Variants in NFKBIA observed in about 807,000 individuals in gnomAD.
The protein encoded by NFKBIA is NFKB inhibitor alpha.
In NFKBIA, 10 loss-of-function variants were observed where a neutral mutation model predicts 36.3. The observed-to-expected ratio is 0.28, with a 90% CI of 0.17 to 0.47. NFKBIA has a LOEUF of 0.47. Among genes scored for constraint, NFKBIA ranks in the 20% least tolerant of loss-of-function variants. NFKBIA has a pLI of 0.99. For synonymous variants in NFKBIA, 205 were observed against 164.4 expected (o/e 1.25, Z -1.89); for missense variants, 355 against 399.3 (o/e 0.89, Z 0.94).
At chr14:35,403,946 T>G in intron 1 of NFKBIA, 148 bp from the exon 2 acceptor site, 1 of 683,974 alleles carries the variant, frequency 1.5e-6, no homozygotes, top group Non-Finnish European at 2.7e-6. Context: ...GAGCTGAGTG[T>G]TCCTGGCAGG....
At position 35,401,577 on chromosome 14, in the gene NFKBIA, T is replaced by C. The variant is rs1266681910; in HGVS notation, c.*436A>G. 5.6e-5 allele frequency: 15 copies of C among 265,680 alleles called. No homozygotes were observed. Among genetic ancestry groups the C allele is most frequent in the South Asian group, 5.2e-4 (7 of 13,470 alleles). 16.5% of individuals were successfully genotyped at this position (265,680 alleles called of 1,614,324 possible). ...ACCAAAATAATTACCAACAATACAT[T>C]ATGTACACCATTTACAGGAGGGTAA... On this transcript the variant is annotated 3_prime_UTR_variant, in exon 6 of 6. Coordinates refer to ENST00000216797, the MANE Select transcript of NFKBIA (RefSeq NM_020529.3).
intron 1 of NFKBIA, 189 bp from the exon 2 acceptor site, chr14:35,403,987 G>A (rs985430559): frequency 3.3e-6 from 2 of 601,112 alleles, no homozygotes; most frequent in Non-Finnish European, 6.0e-6. Context: ...CCCTCCCCCC[G>A]CGGCCCCGGC....
At chr14:35,404,130 C>T (rs2062854318) in intron 1 of NFKBIA, 1 of 384,548 alleles carries the variant, frequency 2.6e-6, no homozygotes, top group African/African-American at 2.2e-5. Flanking sequence ...CGCGTCCCCG[C>T]TGCCGCCCCG....
chr14:35,404,082 C>T (rs2138833383), intron 1 of NFKBIA: 1 of 459,616 alleles, frequency 2.2e-6, no homozygotes, highest in Admixed American at 3.7e-5. Flanking sequence ...CCGCCAGCGG[C>T]CAGAAACTCC....
chr14:35,403,430 CG>C, intron 2 of NFKBIA, 70 bp from the exon 3 acceptor site: 1 of 1,530,026 alleles, frequency 6.5e-7, no homozygotes, highest in South Asian at 1.1e-5. Flanking sequence ...CCCCTCAACC[CG>C]TGTCTCCTGG....
chr14:35,404,510 C>CATCT lies in NFKBIA; in HGVS notation c.131_134dup (p.Met45IlefsTer42). 1 of 1,604,560 alleles carries CATCT rather than the reference C, an allele frequency of 6.2e-7. No homozygotes were observed. Among genetic ancestry groups the CATCT allele is most frequent in the Non-Finnish European group, 8.5e-7 (1 of 1,176,016 alleles). ...GGCGGATCTCCTGCAGCTCCTTGAC[C>CATCT]ATCTGCTCGTACTCCTCGTCTTTCA... On this transcript the variant is annotated frameshift_variant, in exon 1 of 6. Coordinates refer to ENST00000216797, the MANE Select transcript of NFKBIA (RefSeq NM_020529.3). LOFTEE classifies it high-confidence loss of function.
In NFKBIA at chr14:35,401,848, A is replaced by C. The variant is rs1198667466; in HGVS notation, c.*165T>G. On this transcript the variant is annotated 3_prime_UTR_variant, in exon 6 of 6. Coordinates refer to ENST00000216797, the MANE Select transcript of NFKBIA (RefSeq NM_020529.3). ...CTACAAAAAGTTCACAAAAGCAACA[A>C]AATGAGGGCTGATCCTACCACAATA... 2.7e-5 allele frequency: 20 copies of C among 731,462 alleles called. No individual in the cohort carries two copies. The highest frequency in any genetic ancestry group is 4.6e-5 in the Non-Finnish European group (20 of 433,290). The allele number at this position is 731,462 out of a possible 1,614,324, so 45.3% of individuals were successfully genotyped here. A position where few individuals can be genotyped will look rare whatever the true frequency, so the allele number is the denominator to read the frequency against.
Position 35,403,325 on chromosome 14 carries a change from T to C in NFKBIA, c.372A>G (p.Pro124=). ...PLHLAVITNQ[P]EIAEALLGAG... ...CTCCCAGAAGTGCCTCAGCAATTTC[T>C]GGCTGGTTGGTGATCACAGCCAAGT... The change falls in exon 3 of 6, where the codon CCA becomes CCG. Residue 124 remains proline (P), a synonymous_variant. Transcript: ENST00000216797. 3 of 1,614,070 alleles carry C rather than the reference T, an allele frequency of 1.9e-6. No homozygotes were observed. The highest frequency in any genetic ancestry group is 1.1e-5 in the South Asian group (1 of 91,078).
At chr14:35,403,867 C>T in intron 1 of NFKBIA, 69 bp from the exon 2 acceptor site, 2 of 1,186,368 alleles carry the variant, frequency 1.7e-6, no homozygotes, top group East Asian at 2.4e-5. Flanking sequence ...GAGGCGCGGG[C>T]TGCGGGGGAT....
At position 35,401,845 on chromosome 14, in the gene NFKBIA, AC is replaced by A; in HGVS notation, c.*167del. Reference sequence around the variant, plus strand: ...CCCCTACAAAAAGTTCACAAAAGCAACAAAATGAGGGCTGATCCTACCACAA... The same window carrying A: ...CCCCTACAAAAAGTTCACAAAAGCAAAAAATGAGGGCTGATCCTACCACAA... On this transcript the variant is annotated 3_prime_UTR_variant, in exon 6 of 6. Transcript: ENST00000216797. 2.8e-6 allele frequency: 2 copies of A among 720,882 alleles called. No homozygotes were observed. Among genetic ancestry groups the A allele is most frequent in the East Asian group, 5.5e-5 (2 of 36,644 alleles). The allele number at this position is 720,882 out of a possible 1,614,324, so 44.7% of individuals were successfully genotyped here.
Position 35,402,018 on chromosome 14 carries a change from A to G in NFKBIA, c.949T>C (p.Leu317=). The stretch of plus-strand genomic sequence containing the variant: ...TTCTTTCAGCCCCTTTGCGCTCATA[A>G]CGTCAGACGCTGGCCTCCAAACACA... ...DCVFGGQRLT[L] Residue 317 remains leucine (L), a synonymous_variant, in exon 6 of 6, where the codon TTA becomes CTA. Coordinates refer to ENST00000216797, the MANE Select transcript of NFKBIA (RefSeq NM_020529.3). 6.2e-7 allele frequency: 1 copy of G among 1,614,098 alleles called. No individual in the cohort carries two copies. Among genetic ancestry groups the G allele is most frequent in the South Asian group, 1.1e-5 (1 of 91,086 alleles).
At chr14:35,403,016 C>A in intron 3 of NFKBIA, 134 bp downstream of exon 3, 1 of 1,266,012 alleles carries the variant, frequency 7.9e-7, no homozygotes, top group Non-Finnish European at 1.1e-6. Flanking sequence ...AGGCACTTTG[C>A]ACACATATTT....
rs999770881 is a variant in NFKBIA, at chr14:35,404,743, C to T, written c.-99G>A. The T allele has an allele frequency of 4.0e-6, 3 of 740,766 alleles. No individual in the cohort carries two copies. Among genetic ancestry groups the T allele is most frequent in the Non-Finnish European group, 5.6e-6 (3 of 532,614 alleles). 45.9% of individuals were successfully genotyped at this position (740,766 alleles called of 1,614,324 possible). ...CTGGCGGGCGGGACGGCGGCACGGACTGCTGTGGGCTCTGCAGCGCCGCCG... is the reference window on the plus strand; with the variant it reads ...CTGGCGGGCGGGACGGCGGCACGGATTGCTGTGGGCTCTGCAGCGCCGCCG... On this transcript the variant is annotated 5_prime_UTR_variant, in exon 1 of 6. Transcript: ENST00000216797.
At chr14:35,404,365 CG>C in intron 1 of NFKBIA, 52 bp downstream of exon 1, 2 of 1,204,480 alleles carry the variant, frequency 1.7e-6, no homozygotes, top group Non-Finnish European at 2.3e-6. Context: ...ACCCCCAGGC[CG>C]CGCGCGTCCC....
rs888891295 is a variant in NFKBIA at position 35,401,830 on chromosome 14, A to G, written c.*183T>C. On this transcript the variant is annotated 3_prime_UTR_variant, in exon 6 of 6. Coordinates refer to ENST00000216797, the MANE Select transcript of NFKBIA (RefSeq NM_020529.3). ...AATGATCTTTCTCGTCCCCTACAAA[A>G]AGTTCACAAAAGCAACAAAATGAGG... 10 of 654,754 alleles carry G rather than the reference A, an allele frequency of 1.5e-5. No individual in the cohort carries two copies. The highest frequency in any genetic ancestry group is 2.4e-5 in the Non-Finnish European group (9 of 371,118). 40.6% of individuals were successfully genotyped at this position (654,754 alleles called of 1,614,324 possible). A position where few individuals can be genotyped will look rare whatever the true frequency, so the allele number is the denominator to read the frequency against.
intron 1 of NFKBIA, 45 bp downstream of exon 1, chr14:35,404,373 T>TG: frequency 7.5e-6 from 6 of 803,510 alleles, no homozygotes; most frequent in South Asian, 1.6e-5. Context: ...GCCGCGCGCG[T>TG]CCCGCCCTCC....
Position 35,403,789 on chromosome 14 carries a change from G to A in NFKBIA, c.237C>T (p.His79=), listed in dbSNP as rs769330755. The A allele has an allele frequency of 2.5e-6, 4 of 1,613,434 alleles. No homozygotes were observed. The highest frequency in any genetic ancestry group is 2.2e-5 in the South Asian group (2 of 90,952). The part of the protein sequence containing the change: ...QLTEDGDSFL[H]LAIIHEEKAL... ...CCTTTTCTTCATGGATGATGGCCAAGTGCAGGAACCTGTGGGGAAGAGAGG... is the reference window on the plus strand; with the variant it reads ...CCTTTTCTTCATGGATGATGGCCAAATGCAGGAACCTGTGGGGAAGAGAGG... Residue 79 remains histidine, a synonymous_variant, in exon 2 of 6, where the codon CAC becomes CAT. Coordinates refer to ENST00000216797, the MANE Select transcript of NFKBIA (RefSeq NM_020529.3).
chr14:35,404,356 C>A lies in NFKBIA; in HGVS notation c.227+62G>T, dbSNP rs1209882986. ...CGGGCTCCAGGCCCGGCGCCTCCCA[C>A]CCCCAGGCCGCGCGCGTCCCGCCCT... On this transcript the variant is annotated intron_variant, in intron 1 of 5. Transcript: ENST00000216797. 1.1e-5 allele frequency: 11 copies of A among 1,028,952 alleles called. 1 individual carries two copies. Among genetic ancestry groups the A allele is most frequent in the Non-Finnish European group, 1.5e-5 (11 of 734,792 alleles). 63.7% of individuals were successfully genotyped at this position (1,028,952 alleles called of 1,614,324 possible).
chr14:35,402,264 G>A, intron 5 of NFKBIA, 130 bp downstream of exon 5: 1 of 1,294,390 alleles, frequency 7.7e-7, no homozygotes, highest in Middle Eastern at 2.0e-4. Flanking sequence ...TTGGGATACT[G>A]GTTATGCACA....
Sources: allele counts gnomAD v4.1 joint callset, GRCh38; gene constraint gnomAD v4.1.1; transcripts MANE v1.5; gene names NCBI Gene and HGNC (gene_info 2026-07-23, HGNC 2026-07-21).